The following NR2F1-AS1 variants were observed in gnomAD, a reference collection of about 807,000 sequenced individuals.
The protein encoded by NR2F1-AS1 is NR2F1 antisense RNA 1.
chr5:93,475,462 C>T (rs1474303555), intron 4 of NR2F1-AS1, among the ~76,000 whole-genome samples: 1 of 152,180 alleles, frequency 6.6e-6, no homozygotes, highest in East Asian at 1.9e-4. Flanking sequence ...CAGATTACTA[C>T]AATTCTTCAT....
chr5:93,437,215 C>T (rs769478518), intron 4 of NR2F1-AS1, among the ~76,000 whole-genome samples: 18 of 152,084 alleles, frequency 1.2e-4, no homozygotes, highest in Middle Eastern at 3.4e-3. Flanking sequence ...CTACACATAG[C>T]TATTGAGCAC....
At chr5:93,576,584 A>G (rs1396156402) in intron 1 of NR2F1-AS1, among the ~76,000 whole-genome samples, 1 of 152,178 alleles carries the variant, frequency 6.6e-6, no homozygotes, top group Admixed American at 6.5e-5. Context: ...CAATTGCAAC[A>G]TGACTGGTAA....
At chr5:93,557,513 A>C (rs1752386677) in intron 2 of NR2F1-AS1, among the ~76,000 whole-genome samples, 1 of 152,206 alleles carries the variant, frequency 6.6e-6, no homozygotes, top group African/African-American at 2.4e-5. Flanking sequence ...AAGTCTATTA[A>C]ATATGTAATT....
At chr5:93,420,143 G>A (rs567196723) in intron 4 of NR2F1-AS1, among the ~76,000 whole-genome samples, 3 of 152,074 alleles carry the variant, frequency 2.0e-5, no homozygotes, top group East Asian at 1.9e-4. Flanking sequence ...GTAGTGAGCC[G>A]AGATTGCACC....
intron 4 of NR2F1-AS1, among the ~76,000 whole-genome samples, chr5:93,550,378 A>G (rs1482954522): frequency 2.0e-5 from 3 of 152,180 alleles, no homozygotes; most frequent in Non-Finnish European, 2.9e-5. Flanking sequence ...CCTATTAATA[A>G]CCATTAGAAT....
intron 4 of NR2F1-AS1, among the ~76,000 whole-genome samples, chr5:93,441,654 C>T (rs1749573402): frequency 6.6e-6 from 1 of 152,216 alleles, no homozygotes; most frequent in African/African-American, 2.4e-5. Flanking sequence ...GAGCATTCTA[C>T]TTCAGAGTAA....
At chr5:93,490,719 GT>G (rs1163724619) in intron 4 of NR2F1-AS1, among the ~76,000 whole-genome samples, 1 of 151,764 alleles carries the variant, frequency 6.6e-6, no homozygotes, top group Non-Finnish European at 1.5e-5. Flanking sequence ...GGTGGTGGTG[GT>G]TGTTCCTGGT....
intron 4 of NR2F1-AS1, among the ~76,000 whole-genome samples, chr5:93,433,135 T>G (rs1749360560): frequency 6.6e-6 from 1 of 152,230 alleles, no homozygotes; most frequent in Non-Finnish European, 1.5e-5. Flanking sequence ...CTCTCGTATC[T>G]TATAGACTAA....
At chr5:93,470,204 T>C (rs973144612) in intron 4 of NR2F1-AS1, among the ~76,000 whole-genome samples, 2 of 151,928 alleles carry the variant, frequency 1.3e-5, no homozygotes, top group Non-Finnish European at 2.9e-5. Flanking sequence ...CATGAAAGGG[T>C]ACCTAATATA....
chr5:93,495,143 T>C (rs1561467858), intron 4 of NR2F1-AS1, among the ~76,000 whole-genome samples: 2 of 152,208 alleles, frequency 1.3e-5, no homozygotes, highest in South Asian at 2.1e-4. Flanking sequence ...TCAAACATCA[T>C]GCATTTTGCA....
At chr5:93,517,296 T>G (rs1404305705) in intron 4 of NR2F1-AS1, among the ~76,000 whole-genome samples, 1 of 152,006 alleles carries the variant, frequency 6.6e-6, no homozygotes. Flanking sequence ...AAATCTGATT[T>G]CAGAGAAACC....
chr5:93,561,268 A>T (rs1752481727), intron 2 of NR2F1-AS1, among the ~76,000 whole-genome samples: 4 of 152,186 alleles, frequency 2.6e-5, no homozygotes, highest in Non-Finnish European at 5.9e-5. Flanking sequence ...CAAAAAAAAA[A>T]TAAAAAAGCT....
intron 4 of NR2F1-AS1, among the ~76,000 whole-genome samples, chr5:93,538,734 T>C (rs1751890551): frequency 6.6e-6 from 1 of 152,234 alleles, no homozygotes; most frequent in South Asian, 2.1e-4. Context: ...TTTTTATTAA[T>C]CTTTCTTAAA....
At chr5:93,574,691 C>T (rs902860927) in intron 1 of NR2F1-AS1, among the ~76,000 whole-genome samples, 3 of 152,142 alleles carry the variant, frequency 2.0e-5, no homozygotes, top group Admixed American at 6.5e-5. Context: ...TGATTTTTTT[C>T]CCCTTCCTTT....
intron 4 of NR2F1-AS1, among the ~76,000 whole-genome samples, chr5:93,511,542 A>C (rs1287895938): frequency 6.6e-6 from 1 of 152,204 alleles, no homozygotes; most frequent in East Asian, 1.9e-4. Context: ...TGTGGTCTCA[A>C]AAGATTATAT....
chr5:93,517,089 T>C (rs968148154), intron 4 of NR2F1-AS1, among the ~76,000 whole-genome samples: 2 of 151,968 alleles, frequency 1.3e-5, no homozygotes, highest in African/African-American at 4.8e-5. Context: ...CACATTATTG[T>C]TTTATATATA....
At position 93,546,673 on chromosome 5, in the gene NR2F1-AS1, C is replaced by T. The variant is rs535062945; in HGVS notation, n.638+7088G>A. Among the ~76,000 whole-genome samples the T allele has an allele frequency of 4.6e-5, 7 of 152,154 alleles. No homozygotes were observed. The East Asian group carries it at 5.8e-4, about 13-fold the overall frequency. ...TATTATCTCTGGAATTGATCGTTTT[C>T]GTTTCAAGGAAGTTGCCTAATATAT... On this transcript the variant is annotated intron_variant and non_coding_transcript_variant, in intron 4 of 5. Coordinates refer to ENST00000660523, the Ensembl canonical transcript of NR2F1-AS1.
chr5:93,458,775 C>T (rs1475724350), intron 4 of NR2F1-AS1, among the ~76,000 whole-genome samples: 2 of 152,122 alleles, frequency 1.3e-5, no homozygotes, highest in African/African-American at 4.8e-5. Flanking sequence ...TTTGGGAGGC[C>T]GAGGAGAGTG....
chr5:93,572,729 T>A (rs1159384112), intron 1 of NR2F1-AS1, among the ~76,000 whole-genome samples: 1 of 152,194 alleles, frequency 6.6e-6, no homozygotes, highest in Non-Finnish European at 1.5e-5. Flanking sequence ...GTTGTTCTTT[T>A]AAAAGTATAT....
Sources: gnomAD v4.1 joint callset for allele counts (sites outside exome capture counted in the v4.1 genomes callset) on GRCh38, gnomAD v4.1.1 for gene constraint, MANE v1.5 for transcripts, NCBI Gene and HGNC (gene_info 2026-07-23, HGNC 2026-07-21) for gene names.